Variants in LOC128462377 observed in about 807,000 individuals in gnomAD.
chr16:89,410,223 G>A, the LOC128462377 span, among the ~76,000 whole-genome samples: 1 of 152,170 alleles, frequency 6.6e-6, no homozygotes, highest in Non-Finnish European at 1.5e-5. Context: ...TGCCAACCCG[G>A]TGGGTACGGC....
the LOC128462377 span, among the ~76,000 whole-genome samples, chr16:89,366,750 G>T: frequency 1.3e-5 from 2 of 152,190 alleles, no homozygotes; most frequent in Non-Finnish European, 2.9e-5. Flanking sequence ...CAGCTCTCTT[G>T]AATGTGTGCT....
At chr16:89,376,582 C>T in the LOC128462377 span, among the ~76,000 whole-genome samples, 1 of 152,216 alleles carries the variant, frequency 6.6e-6, no homozygotes, top group African/African-American at 2.4e-5. Context: ...GGACCACAGG[C>T]GCCCACCACC....
chr16:89,387,298 G>A, the LOC128462377 span, among the ~76,000 whole-genome samples: 6 of 152,004 alleles, frequency 3.9e-5, no homozygotes, highest in Admixed American at 6.5e-5. Flanking sequence ...CAGAAGGAAG[G>A]GGCTGCGTCT....
the LOC128462377 span, among the ~76,000 whole-genome samples, chr16:89,389,645 G>A: frequency 1.3e-5 from 2 of 152,220 alleles, no homozygotes; most frequent in Non-Finnish European, 2.9e-5. Flanking sequence ...GAAGATCTGT[G>A]AACTCAGAGA....
chr16:89,335,574 A>C, the LOC128462377 span, among the ~76,000 whole-genome samples: 1 of 152,238 alleles, frequency 6.6e-6, no homozygotes, highest in Non-Finnish European at 1.5e-5. Flanking sequence ...GTAGCAGAAC[A>C]GCGAGTGACG....
chr16:89,338,417 ACT>A, the LOC128462377 span, among the ~76,000 whole-genome samples: 1 of 120,508 alleles, frequency 8.3e-6, no homozygotes, highest in African/African-American at 3.4e-5. Flanking sequence ...CTTAACATAC[ACT>A]CTGTTAAAAA....
chr16:89,403,383 G>A, the LOC128462377 span, among the ~76,000 whole-genome samples: 1 of 152,262 alleles, frequency 6.6e-6, no homozygotes, highest in East Asian at 1.9e-4. Context: ...TCTGTCTGAG[G>A]ATAGGAAGCA....
the LOC128462377 span, among the ~76,000 whole-genome samples, chr16:89,377,303 A>G: frequency 1.3e-5 from 2 of 152,158 alleles, no homozygotes; most frequent in African/African-American, 4.8e-5. Context: ...AGTGTCTGGA[A>G]GATGACACCA....
chr16:89,347,071 G>C, the LOC128462377 span, among the ~76,000 whole-genome samples: 1 of 152,150 alleles, frequency 6.6e-6, no homozygotes, highest in African/African-American at 2.4e-5. Context: ...CCAGCTAAAG[G>C]GGGTGACTGA....
the LOC128462377 span, among the ~76,000 whole-genome samples, chr16:89,411,602 T>TG: frequency 6.6e-6 from 1 of 151,984 alleles, no homozygotes; most frequent in African/African-American, 2.4e-5. Context: ...TTTGGAGAGA[T>TG]GGGGTCTTGC....
the LOC128462377 span, among the ~76,000 whole-genome samples, chr16:89,378,985 C>A: frequency 6.6e-6 from 1 of 152,228 alleles, no homozygotes; most frequent in East Asian, 1.9e-4. Flanking sequence ...TGACGGCACA[C>A]TGGGGAGCGT....
At chr16:89,409,392 C>T in the LOC128462377 span, among the ~76,000 whole-genome samples, 2 of 152,234 alleles carry the variant, frequency 1.3e-5, no homozygotes, top group African/African-American at 4.8e-5. Context: ...TCCCCATCCT[C>T]AGGCCATTCT....
the LOC128462377 span, among the ~76,000 whole-genome samples, chr16:89,385,313 G>C: frequency 6.6e-6 from 1 of 151,882 alleles, no homozygotes; most frequent in African/African-American, 2.4e-5. Flanking sequence ...ATTTTTAGTA[G>C]AGACGCTGTT....
chr16:89,374,571 T>A, the LOC128462377 span, among the ~76,000 whole-genome samples: 1 of 152,354 alleles, frequency 6.6e-6, no homozygotes, highest in African/African-American at 2.4e-5. Flanking sequence ...CTCTGTCCTA[T>A]GCTTCCAGGA....
the LOC128462377 span, among the ~76,000 whole-genome samples, chr16:89,384,879 C>CTTTTCTTTTTTTT: frequency 2.0e-5 from 1 of 49,910 alleles, no homozygotes; most frequent in African/African-American, 7.9e-5. Context: ...AAATAGTTTT[C>CTTTTCTTTTTTTT]TTTTTTTTTT....
At chr16:89,402,805 T>G in the LOC128462377 span, among the ~76,000 whole-genome samples, 185 of 60,494 alleles carry the variant, frequency 3.1e-3, 1 homozygote, top group African/African-American at 0.012. Context: ...GTGGGGGTTC[T>G]GCGGAATGAG....
chr16:89,342,426 A>G, the LOC128462377 span, among the ~76,000 whole-genome samples: 1 of 152,236 alleles, frequency 6.6e-6, no homozygotes, highest in Non-Finnish European at 1.5e-5. Flanking sequence ...ATAAACCAGC[A>G]ATACTCTGGA....
chr16:89,339,041 G>A, the LOC128462377 span, among the ~76,000 whole-genome samples: 1 of 152,134 alleles, frequency 6.6e-6, no homozygotes, highest in Non-Finnish European at 1.5e-5. Flanking sequence ...ATCTGCTCGT[G>A]ACCTGAGTCT....
At chr16:89,408,396 G>C in the LOC128462377 span, among the ~76,000 whole-genome samples, 32 of 152,358 alleles carry the variant, frequency 2.1e-4, no homozygotes, top group African/African-American at 7.0e-4. Flanking sequence ...GCACCCAGTT[G>C]CCTGGGCAGA....
Sources: allele counts gnomAD v4.1 joint callset (sites outside exome capture counted in the v4.1 genomes callset), GRCh38; gene constraint gnomAD v4.1.1; transcripts MANE v1.5.